The following TMEM108 variants were observed in gnomAD, a reference collection of about 807,000 sequenced individuals.
TMEM108 encodes the protein transmembrane protein 108.
A neutral mutation model predicts 35.1 loss-of-function variants in TMEM108; 12 were observed. That is an observed-to-expected ratio of 0.34 (90% CI 0.22 to 0.55). The LOEUF (loss-of-function observed/expected upper bound fraction) is 0.55, where lower values mean the gene tolerates loss of function less well. Among genes scored for constraint, TMEM108 ranks in the 20% least tolerant of loss-of-function variants. The pLI is 0.89. For synonymous variants in TMEM108, 287 were observed against 308.6 expected, an observed-to-expected ratio of 0.93 and a Z score of 0.73; for missense variants, 680 against 753.3, an observed-to-expected ratio of 0.90 and a Z score of 1.14.
chr3:133,159,156 C>T (rs972818541), intron 2 of TMEM108, among the ~76,000 whole-genome samples: 1 of 152,188 alleles, frequency 6.6e-6, no homozygotes, highest in African/African-American at 2.4e-5. Context: ...CTATGATTCC[C>T]CACTATTGTA....
chr3:133,211,650 T>C (rs148465789), intron 2 of TMEM108, among the ~76,000 whole-genome samples: 113 of 152,344 alleles, frequency 7.4e-4, no homozygotes, highest in African/African-American at 2.5e-3. Flanking sequence ...AAGGAGGTTC[T>C]GTGTCATTCT....
At chr3:133,368,611 A>G (rs2072566316) in intron 3 of TMEM108, among the ~76,000 whole-genome samples, 1 of 151,398 alleles carries the variant, frequency 6.6e-6, no homozygotes, top group South Asian at 2.1e-4. Context: ...CAAGCAAAGT[A>G]AAAAGATAAA....
intron 3 of TMEM108, among the ~76,000 whole-genome samples, chr3:133,320,810 C>T (rs3897879): frequency 0.32 from 48,796 of 152,018 alleles, 8,567 homozygotes; most frequent in East Asian, 0.48. Flanking sequence ...ATTAGATTAA[C>T]GGCACATTTC....
At chr3:133,309,853 G>A (rs1406595425) in intron 3 of TMEM108, among the ~76,000 whole-genome samples, 1 of 151,608 alleles carries the variant, frequency 6.6e-6, no homozygotes, top group Non-Finnish European at 1.5e-5. Flanking sequence ...GGCGCCAGCC[G>A]CTACGCCCGG....
At chr3:133,102,326 A>G (rs904065117) in intron 2 of TMEM108, among the ~76,000 whole-genome samples, 3 of 152,314 alleles carry the variant, frequency 2.0e-5, no homozygotes, top group East Asian at 3.9e-4. Flanking sequence ...TTGTGTTTAC[A>G]GTACCCTAAA....
intron 2 of TMEM108, among the ~76,000 whole-genome samples, chr3:133,105,937 G>C (rs1944144940): frequency 6.6e-6 from 1 of 152,188 alleles, no homozygotes; most frequent in Non-Finnish European, 1.5e-5. Context: ...TAGGGTGGTG[G>C]CTAAAGGGTA....
intron 2 of TMEM108, chr3:133,118,891 GTTGGC>G (rs1400657858): frequency 6.6e-6 from 1 of 152,130 alleles, no homozygotes; most frequent in Non-Finnish European, 1.5e-5. Flanking sequence ...TAGTAAGAAG[GTTGGC>G]CCTGATGCTG....
At chr3:133,082,680 C>T (rs1373077971) in intron 2 of TMEM108, among the ~76,000 whole-genome samples, 1 of 152,012 alleles carries the variant, frequency 6.6e-6, no homozygotes, top group Non-Finnish European at 1.5e-5. Context: ...GAGACAGGGT[C>T]TCACCCTGTC....
intron 3 of TMEM108, among the ~76,000 whole-genome samples, chr3:133,349,150 A>G (rs949758429): frequency 1.3e-5 from 2 of 152,138 alleles, no homozygotes; most frequent in African/African-American, 4.8e-5. Context: ...ATTAATAGCC[A>G]AAGGAATACA....
chr3:133,114,228 A>G (rs1360671405), intron 2 of TMEM108, among the ~76,000 whole-genome samples: 1 of 152,200 alleles, frequency 6.6e-6, no homozygotes, highest in African/African-American at 2.4e-5. Flanking sequence ...AATAAATTAC[A>G]CCACTCATGT....
intron 1 of TMEM108, among the ~76,000 whole-genome samples, chr3:133,045,010 C>T (rs1943318569): frequency 6.6e-6 from 1 of 151,416 alleles, no homozygotes; most frequent in Non-Finnish European, 1.5e-5. Flanking sequence ...TTCTGTTGCC[C>T]AGGCTGGAGT....
rs1483443777 is a variant in TMEM108, at chr3:133,202,306, CATTTGTCA to C, written c.-46-26955_-46-26948del. Among the ~76,000 whole-genome samples, 4 of 152,302 alleles carry C rather than the reference CATTTGTCA, an allele frequency of 2.6e-5. No individual in the cohort carries two copies. In the South Asian group the frequency reaches 6.2e-4, roughly 24 times the overall value. On this transcript the variant is annotated intron_variant, in intron 2 of 5. Transcript: ENST00000321871. ...GAAGATCTTTAGTTTAATTAGGCCCCATTTGTCAATTTTGGCTTATGTCGCCATTGCTT... is the reference window on the plus strand; with the variant it reads ...GAAGATCTTTAGTTTAATTAGGCCCCATTTTGGCTTATGTCGCCATTGCTT...
intron 2 of TMEM108, among the ~76,000 whole-genome samples, chr3:133,095,053 C>G (rs1014744019): frequency 1.3e-5 from 2 of 152,194 alleles, no homozygotes; most frequent in Non-Finnish European, 2.9e-5. Flanking sequence ...TTCTGTTTTT[C>G]TTATCATTCC....
At chr3:133,134,424 TTGTCTA>T (rs1358743307) in intron 2 of TMEM108, among the ~76,000 whole-genome samples, 3 of 152,098 alleles carry the variant, frequency 2.0e-5, no homozygotes, top group African/African-American at 7.2e-5. Flanking sequence ...GGTGATGGAT[TTGTCTA>T]TTTCTCTTAA....
intron 3 of TMEM108, among the ~76,000 whole-genome samples, chr3:133,305,616 G>A (rs1448676154): frequency 6.6e-6 from 1 of 152,106 alleles, no homozygotes; most frequent in Non-Finnish European, 1.5e-5. Context: ...ATTCCTAGGA[G>A]TGAAATTGCA....
intron 3 of TMEM108, among the ~76,000 whole-genome samples, chr3:133,350,208 A>T (rs760461207): frequency 1.7e-4 from 26 of 152,124 alleles, no homozygotes; most frequent in Non-Finnish European, 3.2e-4. Context: ...CACCACTCAT[A>T]TGTGGTATCT....
In TMEM108 at chr3:133,214,746, T is replaced by C. The variant is rs573100696; in HGVS notation, c.-46-14520T>C. ...GGAACCAGGATGCATTAGCAGGAGG[T>C]GAGCTGCAGGTGAGGGAGCATTACC... is the stretch of plus-strand genomic sequence containing the variant. On this transcript the variant is annotated intron_variant, in intron 2 of 5. Transcript: ENST00000321871. Among the ~76,000 whole-genome samples, 14 of 152,146 alleles carry C rather than the reference T, an allele frequency of 9.2e-5. No individual in the cohort carries two copies. The South Asian group carries it at 2.9e-3, about 32-fold the overall frequency.
At chr3:133,039,284 GT>G (rs971307892) in intron 1 of TMEM108, among the ~76,000 whole-genome samples, 1 of 152,184 alleles carries the variant, frequency 6.6e-6, no homozygotes, top group Non-Finnish European at 1.5e-5. Flanking sequence ...AAAGGTTGTA[GT>G]TTCTGCAAAC....
In TMEM108 at chr3:133,387,636, A is replaced by G. The variant is rs189449065; in HGVS notation, c.1451-2544A>G. ...TCACCTCTCTAGGTTTCCATGCCCC[A>G]CCTTCTAGAATAAGAATGTAGGCTG... On this transcript the variant is annotated intron_variant, in intron 4 of 5. Transcript: ENST00000321871. 1.2e-4 allele frequency: 94 copies of G among 774,106 alleles called. 1 individual carries two copies. The Admixed American group carries it at 1.8e-3, about 15-fold the overall frequency. 48.0% of individuals were successfully genotyped at this position (774,106 alleles called of 1,614,324 possible).
Sources: allele counts gnomAD v4.1 joint callset (sites outside exome capture counted in the v4.1 genomes callset), GRCh38; gene constraint gnomAD v4.1.1; transcripts MANE v1.5; gene names NCBI Gene and HGNC (gene_info 2026-07-23, HGNC 2026-07-21).